SPTLC3: variants seen among roughly 807,000 people sequenced by gnomAD.
SPTLC3 encodes the protein serine palmitoyltransferase 3.
Under a neutral mutation model 59.3 loss-of-function variants are expected in SPTLC3, and 36 were observed. The observed-to-expected ratio is 0.61, with a 90% CI of 0.47 to 0.80. The LOEUF (loss-of-function observed/expected upper bound fraction) is 0.80. Among genes scored for constraint, SPTLC3 ranks in the 30% least tolerant of loss-of-function variants. The pLI is 0.00. For missense variants in SPTLC3, 625 were observed against 685.1 expected, an observed-to-expected ratio of 0.91 and a Z score of 0.98; for synonymous variants, 257 against 240.8, an observed-to-expected ratio of 1.07 and a Z score of -0.62.
chr20:13,126,643 C>T lies in SPTLC3; in HGVS notation c.1205C>T (p.Ser402Phe). 1 of 1,614,062 alleles carries T rather than the reference C, an allele frequency of 6.2e-7. No homozygotes were observed. The highest frequency in any genetic ancestry group is 8.5e-7 in the Non-Finnish European group (1 of 1,179,956). ...VHSHSAVYASSMSPPIAEQII... is the reference protein window; with the variant it reads ...VHSHSAVYASFMSPPIAEQII... The stretch of plus-strand genomic sequence containing the variant: ...TCGCATAGTGCTGTTTATGCTTCAT[C>T]CATGAGCCCACCGATAGCAGAGCAA... Residue 402 changes from serine to phenylalanine, a missense_variant, in exon 9 of 12, where the codon TCC (serine) becomes TTC (phenylalanine). Physicochemically the swap from Ser to Phe is radical, Grantham distance 155. Transcript: ENST00000399002.
chr20:13,020,082 A>G (rs2122383312), intron 1 of SPTLC3, among the ~76,000 whole-genome samples: 1 of 152,352 alleles, frequency 6.6e-6, no homozygotes, highest in Non-Finnish European at 1.5e-5. Context: ...TCCAACTAGA[A>G]AAAAACAGCA....
At position 13,091,264 on chromosome 20, in the gene SPTLC3, T is replaced by G; in HGVS notation, c.732+57T>G. The stretch of plus-strand genomic sequence containing the variant: ...GTATTACTCCTAAGAACTGTAACTC[T>G]GAGTAGGTCCTTGTTAGAAGTATGG... On this transcript the variant is annotated intron_variant, in intron 5 of 11. Transcript: ENST00000399002. 1.9e-6 allele frequency: 3 copies of G among 1,584,364 alleles called. No homozygotes were observed. The South Asian group carries it at 3.4e-5, about 18-fold the overall frequency.
chr20:13,026,895 C>T (rs77676568), intron 1 of SPTLC3, among the ~76,000 whole-genome samples: 6,777 of 152,244 alleles, frequency 0.045, 214 homozygotes, highest in South Asian at 0.084. Context: ...GCCAAAAGCA[C>T]CGGAGATTCA....
chr20:13,043,551 A>T (rs895038237), intron 1 of SPTLC3, among the ~76,000 whole-genome samples: 21 of 152,158 alleles, frequency 1.4e-4, no homozygotes, highest in African/African-American at 4.3e-4. Flanking sequence ...CACATTTTTC[A>T]AAGTGCTACT....
At chr20:13,111,421 G>A (rs896613664) in intron 7 of SPTLC3, among the ~76,000 whole-genome samples, 3 of 152,216 alleles carry the variant, frequency 2.0e-5, no homozygotes, top group Non-Finnish European at 4.4e-5. Flanking sequence ...ACTGGCATAT[G>A]GTGGACAGAG....
intron 11 of SPTLC3, among the ~76,000 whole-genome samples, chr20:13,160,896 G>T (rs1000768777): frequency 1.3e-5 from 2 of 152,216 alleles, no homozygotes; most frequent in African/African-American, 4.8e-5. Context: ...CACAGGGGAG[G>T]TGGCTTTTGA....
intron 1 of SPTLC3, among the ~76,000 whole-genome samples, chr20:13,016,550 G>T (rs1465025561): frequency 6.6e-6 from 1 of 152,042 alleles, no homozygotes; most frequent in Admixed American, 6.6e-5. Flanking sequence ...TAAACTCTAG[G>T]CTATCTACCT....
chr20:13,050,746 C>T (rs1987451358), intron 2 of SPTLC3: 1 of 152,178 alleles, frequency 6.6e-6, no homozygotes, highest in African/African-American at 2.4e-5. Flanking sequence ...ACCCTACAAG[C>T]TAAGACAGAA....
At chr20:13,157,542 C>T (rs1017796001) in intron 10 of SPTLC3, among the ~76,000 whole-genome samples, 2 of 152,212 alleles carry the variant, frequency 1.3e-5, no homozygotes, top group East Asian at 1.9e-4. Flanking sequence ...TTTGAACACA[C>T]AGCACAACCT....
chr20:13,120,703 C>T (rs1251355363), intron 8 of SPTLC3, among the ~76,000 whole-genome samples: 6 of 152,172 alleles, frequency 3.9e-5, no homozygotes, highest in African/African-American at 9.7e-5. Context: ...TTTAGTATGA[C>T]GATACTACTA....
At chr20:13,163,440 A>G (rs2038935627) in intron 11 of SPTLC3, among the ~76,000 whole-genome samples, 1 of 151,852 alleles carries the variant, frequency 6.6e-6, no homozygotes, top group African/African-American at 2.4e-5. Flanking sequence ...TATCTCACAG[A>G]TGCCCCAAAT....
chr20:13,155,719 G>A (rs1048794110), intron 10 of SPTLC3, among the ~76,000 whole-genome samples: 9 of 152,102 alleles, frequency 5.9e-5, no homozygotes, highest in South Asian at 2.1e-4. Context: ...CCAGCTACTC[G>A]GGAGGCTGAG....
chr20:13,090,616 C>T (rs1989178733), intron 4 of SPTLC3, among the ~76,000 whole-genome samples: 1 of 152,134 alleles, frequency 6.6e-6, no homozygotes, highest in Admixed American at 6.5e-5. Flanking sequence ...ACAAAGCAAA[C>T]ATACCTATGT....
chr20:13,112,420 C>G (rs763719416), intron 7 of SPTLC3, among the ~76,000 whole-genome samples: 1 of 152,194 alleles, frequency 6.6e-6, no homozygotes, highest in Non-Finnish European at 1.5e-5. Context: ...AGGCTGCCGG[C>G]ACTGAGACAT....
chr20:13,040,279 A>T (rs960471977), intron 1 of SPTLC3, among the ~76,000 whole-genome samples: 4 of 152,168 alleles, frequency 2.6e-5, no homozygotes, highest in Non-Finnish European at 5.9e-5. Context: ...ATGTAAGTTC[A>T]ACAATGAATT....
intron 9 of SPTLC3, among the ~76,000 whole-genome samples, chr20:13,127,933 G>A (rs1284596893): frequency 6.6e-6 from 1 of 152,192 alleles, no homozygotes; most frequent in Non-Finnish European, 1.5e-5. Context: ...GTATGAGACT[G>A]AAGGTAGCTG....
chr20:13,149,758 G>A lies in SPTLC3; in HGVS notation c.1280-4245G>A, dbSNP rs1568628578. ...AAGTCTCTGAAGGATCTGGAAGCAG[G>A]GAAATGGTGACATTAGCTGATGATC... On this transcript the variant is annotated intron_variant, in intron 9 of 11. Coordinates refer to ENST00000399002, the MANE Select transcript of SPTLC3 (RefSeq NM_018327.4). Among the ~76,000 whole-genome samples, 4 of 152,326 alleles carry A rather than the reference G, an allele frequency of 2.6e-5. No individual in the cohort carries two copies. The East Asian group carries it at 5.8e-4, about 22-fold the overall frequency.
At chr20:13,052,515 TG>T (rs1191106650) in intron 2 of SPTLC3, among the ~76,000 whole-genome samples, 5 of 152,032 alleles carry the variant, frequency 3.3e-5, no homozygotes, top group African/African-American at 1.2e-4. Context: ...CACACCCCAG[TG>T]GCACCTGGAA....
intron 1 of SPTLC3, among the ~76,000 whole-genome samples, chr20:13,035,194 G>T (rs924494386): frequency 6.6e-6 from 1 of 152,110 alleles, no homozygotes; most frequent in Admixed American, 6.6e-5. Context: ...AGAACAGTTG[G>T]TAACATGGAC....
Sources: allele counts gnomAD v4.1 joint callset (sites outside exome capture counted in the v4.1 genomes callset), GRCh38; gene constraint gnomAD v4.1.1; transcripts MANE v1.5; gene names NCBI Gene and HGNC (gene_info 2026-07-23, HGNC 2026-07-21).